Variants in UBR1 observed in about 807,000 individuals in gnomAD.
The protein encoded by UBR1 is ubiquitin protein ligase E3 component n-recognin 1.
UBR1 carries 102 observed loss-of-function variants against 242.1 expected under a neutral mutation model. The observed-to-expected ratio is 0.42, with a 90% CI of 0.36 to 0.50. The LOEUF is 0.50. UBR1 is among the 20% of genes least tolerant of loss of function. UBR1 has a pLI of 0.01. For synonymous variants in UBR1, 675 were observed against 684.8 expected (o/e 0.99, Z 0.22); for missense variants, 1,772 against 2,101.8 (o/e 0.84, Z 3.07).
chr15:43,024,766 T>A, intron 25 of UBR1, 63 bp downstream of exon 25: 1 of 1,610,238 alleles, frequency 6.2e-7, no homozygotes, highest in Non-Finnish European at 8.5e-7. Flanking sequence ...AGACCTGAGA[T>A]CTTCCCTAGC....
At chr15:43,089,161 C>CAA (rs1405616914) in intron 1 of UBR1, among the ~76,000 whole-genome samples, 4 of 128,748 alleles carry the variant, frequency 3.1e-5, no homozygotes, top group Admixed American at 8.1e-5. Context: ...GACTCCATTT[C>CAA]AAAAAAAAAA....
chr15:42,976,122 A>G (rs182257231), intron 39 of UBR1, among the ~76,000 whole-genome samples: 9 of 152,356 alleles, frequency 5.9e-5, no homozygotes, highest in Admixed American at 5.2e-4. Flanking sequence ...ATTAATTCAA[A>G]AGACATTTAA....
At position 42,990,162 on chromosome 15, in the gene UBR1, GT is replaced by G. The variant is rs1022925040; in HGVS notation, c.3758-43del. 5.1e-6 allele frequency: 7 copies of G among 1,370,934 alleles called. No individual in the cohort carries two copies. In the African/African-American group the frequency reaches 1.0e-4, roughly 20 times the overall value. The allele number at this position is 1,370,934 out of a possible 1,614,324, so 84.9% of individuals were successfully genotyped here. A position where few individuals can be genotyped will look rare whatever the true frequency, so the allele number is the denominator to read the frequency against. On this transcript the variant is annotated intron_variant, in intron 33 of 46. Coordinates refer to ENST00000290650, the MANE Select transcript of UBR1 (RefSeq NM_174916.3). ...AAAAAGAAAGAAAAATCATGAATGA[GT>G]TTAGTCTGACATACAGTTTTCTAGC...
In UBR1 at chr15:42,952,376, A is replaced by G; in HGVS notation, c.4908T>C (p.Ser1636=). The change falls in exon 45 of 47, where the codon TCT becomes TCC. Residue 1636 remains serine, a synonymous_variant. Coordinates refer to ENST00000290650, the MANE Select transcript of UBR1 (RefSeq NM_174916.3). ...CAATTTCCTGGCAGCAAATGTTCTG[A>G]GAACATAGTATAGCCCCACAGAAAA... ...LCLFCGAILC[S]QNICCQEIVN... 1 of 1,614,256 alleles carries G rather than the reference A, an allele frequency of 6.2e-7. No homozygotes were observed. Among genetic ancestry groups the G allele is most frequent in the Non-Finnish European group, 8.5e-7 (1 of 1,180,050 alleles).
At position 42,976,742 on chromosome 15, in the gene UBR1, A is replaced by G; in HGVS notation, c.4344T>C (p.Leu1448=). The change falls in exon 39 of 47, where the codon CTT becomes CTC. Residue 1448 remains leucine, a synonymous_variant. Transcript: ENST00000290650. ...LFHLITMAHM[L]QILLTVDTGL... Reference sequence around the variant, plus strand: ...CTGTGTCTACTGTAAGTAGTATCTGAAGCATGTGTGCCATGGTGATCAAAT... The same window carrying G: ...CTGTGTCTACTGTAAGTAGTATCTGGAGCATGTGTGCCATGGTGATCAAAT... The G allele has an allele frequency of 6.2e-7, 1 of 1,614,112 alleles. No individual in the cohort carries two copies. Among genetic ancestry groups the G allele is most frequent in the Non-Finnish European group, 8.5e-7 (1 of 1,180,000 alleles).
At chr15:43,092,884 A>G (rs1447261011) in intron 1 of UBR1, among the ~76,000 whole-genome samples, 2 of 152,008 alleles carry the variant, frequency 1.3e-5, no homozygotes, top group Admixed American at 1.3e-4. Context: ...GTTCAGTTAC[A>G]CTCTTCACAA....
intron 1 of UBR1, among the ~76,000 whole-genome samples, chr15:43,099,692 T>C (rs963040616): frequency 3.3e-5 from 5 of 152,148 alleles, no homozygotes; most frequent in Admixed American, 2.6e-4. Flanking sequence ...AATAAAAACT[T>C]TGAAGCAATG....
At chr15:43,014,208 C>T (rs1318807687) in intron 29 of UBR1, among the ~76,000 whole-genome samples, 1 of 152,264 alleles carries the variant, frequency 6.6e-6, no homozygotes. Context: ...GGCTGGAGTG[C>T]AGTGGCGTGA....
intron 27 of UBR1, among the ~76,000 whole-genome samples, 170 bp from the exon 28 acceptor site, chr15:43,017,351 T>C (rs1043645346): frequency 3.3e-5 from 5 of 152,170 alleles, no homozygotes; most frequent in African/African-American, 4.8e-5. Context: ...ACGCCTCCCC[T>C]GGTCAATGAG....
chr15:43,036,134 A>G (rs762867046), intron 19 of UBR1, 44 bp downstream of exon 19: 1 of 1,436,952 alleles, frequency 7.0e-7, no homozygotes, highest in Non-Finnish European at 9.8e-7. Context: ...AATAGTAACA[A>G]TATTTCCTTT....
At chr15:43,054,696 C>T in intron 12 of UBR1, 46 bp downstream of exon 12, 1 of 1,605,630 alleles carries the variant, frequency 6.2e-7, no homozygotes, top group Non-Finnish European at 8.5e-7. Flanking sequence ...CAAATAAGCA[C>T]ACTGAGTTTA....
chr15:43,021,290 T>A lies in UBR1; in HGVS notation c.2925A>T (p.Ile975=). 1 of 1,613,766 alleles carries A rather than the reference T, an allele frequency of 6.2e-7. No homozygotes were observed. The highest frequency in any genetic ancestry group is 1.1e-5 in the South Asian group (1 of 91,084). Residue 975 remains isoleucine (I), a synonymous_variant, in exon 27 of 47, where the codon ATA becomes ATT. Coordinates refer to ENST00000290650, the MANE Select transcript of UBR1 (RefSeq NM_174916.3). ...IPQLEGQKDM[I]TWILQMFDTV... ...TTTAGTTTACCTGAAGTATCCACGT[T>A]ATCATGTCCTTCTGGCCTTCTAACT...
chr15:43,053,827 A>AT (rs752733899), intron 12 of UBR1, among the ~76,000 whole-genome samples: 4,675 of 132,094 alleles, frequency 0.035, 260 homozygotes, highest in African/African-American at 0.12. Context: ...TACAGACGCA[A>AT]TTTTTTTTTT....
chr15:43,074,912 A>T, intron 4 of UBR1, 67 bp downstream of exon 4: 1 of 1,293,520 alleles, frequency 7.7e-7, no homozygotes, highest in Admixed American at 1.7e-5. Context: ...TACACATAAC[A>T]TTTATTCTTA....
At chr15:42,949,585 G>A (rs1467542213) in intron 46 of UBR1, among the ~76,000 whole-genome samples, 1 of 114,462 alleles carries the variant, frequency 8.7e-6, no homozygotes, top group East Asian at 2.8e-4. Context: ...GATCACTTGA[G>A]GTCAGGAATT....
chr15:42,975,566 T>C (rs2032275860), intron 39 of UBR1, among the ~76,000 whole-genome samples: 1 of 152,202 alleles, frequency 6.6e-6, no homozygotes, highest in Non-Finnish European at 1.5e-5. Context: ...ACAGGGTAAA[T>C]GCACATGTAA....
chr15:43,054,185 T>C (rs2033589572), intron 12 of UBR1, among the ~76,000 whole-genome samples: 1 of 151,924 alleles, frequency 6.6e-6, no homozygotes, highest in Non-Finnish European at 1.5e-5. Flanking sequence ...ACTCCGTCTC[T>C]ACAAAACAAT....
intron 6 of UBR1, among the ~76,000 whole-genome samples, chr15:43,062,658 C>G (rs2033702892): frequency 6.6e-6 from 1 of 152,098 alleles, no homozygotes; most frequent in Non-Finnish European, 1.5e-5. Flanking sequence ...GTTGTTCAGG[C>G]TGGAAGGCAG....
In UBR1 at chr15:43,074,961, A is replaced by G; in HGVS notation, c.528+18T>C. On this transcript the variant is annotated intron_variant, in intron 4 of 46. Transcript: ENST00000290650. ...AACTTAAAATAGTTAACAATTTTTAACAAAATAGCATTCTTACCTCTTTTA... is the reference window on the plus strand; with the variant it reads ...AACTTAAAATAGTTAACAATTTTTAGCAAAATAGCATTCTTACCTCTTTTA... The G allele has an allele frequency of 6.4e-7, 1 of 1,572,440 alleles. No individual in the cohort carries two copies. Among genetic ancestry groups the G allele is most frequent in the Non-Finnish European group, 8.8e-7 (1 of 1,141,982 alleles).
Sources: gnomAD v4.1 joint callset for allele counts (sites outside exome capture counted in the v4.1 genomes callset) on GRCh38, gnomAD v4.1.1 for gene constraint, MANE v1.5 for transcripts, NCBI Gene and HGNC (gene_info 2026-07-23, HGNC 2026-07-21) for gene names.